Variants in SMIM36 observed in about 807,000 individuals in gnomAD.
SMIM36 encodes small integral membrane protein 36.
intron 4 of SMIM36, among the ~76,000 whole-genome samples, chr17:55,451,566 CTT>C (rs1231759025): frequency 6.6e-6 from 1 of 152,176 alleles, no homozygotes; most frequent in Non-Finnish European, 1.5e-5. Context: ...AGTGTCTTCT[CTT>C]GTCACTAGAT....
intron 4 of SMIM36, among the ~76,000 whole-genome samples, chr17:55,465,387 T>A (rs1909218151): frequency 6.6e-6 from 1 of 152,200 alleles, no homozygotes; most frequent in Admixed American, 6.5e-5. Flanking sequence ...AGGACTATGA[T>A]CATGATGAGC....
intron 3 of SMIM36, among the ~76,000 whole-genome samples, chr17:55,472,761 G>A (rs1051353556): frequency 1.3e-4 from 19 of 151,842 alleles, no homozygotes; most frequent in South Asian, 4.2e-4. Flanking sequence ...CCAGCTACTC[G>A]GGAGGCTGAG....
At chr17:55,492,484 G>A (rs998095734) in intron 1 of SMIM36, among the ~76,000 whole-genome samples, 2 of 151,460 alleles carry the variant, frequency 1.3e-5, no homozygotes, top group South Asian at 4.2e-4. Context: ...GACCTCATAC[G>A]TTCTTTCTCG....
chr17:55,464,440 A>C (rs1909201084), intron 4 of SMIM36, among the ~76,000 whole-genome samples: 1 of 152,168 alleles, frequency 6.6e-6, no homozygotes, highest in Non-Finnish European at 1.5e-5. Flanking sequence ...TAGGATGTTC[A>C]GATCTGGTAG....
chr17:55,516,645 G>T, the SMIM36 span, among the ~76,000 whole-genome samples: 1 of 135,522 alleles, frequency 7.4e-6, no homozygotes, highest in African/African-American at 2.8e-5. Context: ...TGCAAACTCC[G>T]CCTCCCGGTT....
intron 1 of SMIM36, among the ~76,000 whole-genome samples, chr17:55,486,064 CT>C (rs201539123): frequency 0.065 from 8,696 of 133,408 alleles, 803 homozygotes; most frequent in African/African-American, 0.22. Flanking sequence ...GAGACGGAGT[CT>C]TGCTCTGTTG....
chr17:55,500,855 A>AAT lies in SMIM36; in HGVS notation c.*174+10022_*174+10023dup, dbSNP rs1555622419. Reference sequence around the variant, plus strand: ...TATATATTATAATATATTATATTATAATATATTATAATATATTATATTTTA... The same window carrying AAT: ...TATATATTATAATATATTATATTATAATATATATTATAATATATTATATTTTA... On this transcript the variant is annotated intron_variant, in intron 1 of 4. Coordinates refer to ENST00000636752, the Ensembl canonical transcript of SMIM36. Among the ~76,000 whole-genome samples the AAT allele has an allele frequency of 5.9e-4, 11 of 18,562 alleles. 3 individuals are homozygous for AAT. Among genetic ancestry groups the AAT allele is most frequent in the Admixed American group, 1.6e-3 (2 of 1,256 alleles). 12.2% of individuals were successfully genotyped at this position (18,562 alleles called of 152,430 possible). A position where few individuals can be genotyped will look rare whatever the true frequency, so the allele number is the denominator to read the frequency against.
intron 4 of SMIM36, among the ~76,000 whole-genome samples, chr17:55,452,011 G>C (rs917708326): frequency 1.2e-4 from 18 of 146,074 alleles, no homozygotes; most frequent in Admixed American, 1.1e-3. Context: ...GAGGAGGGAG[G>C]ATCACTTGAG....
At chr17:55,511,972 G>A (rs1208423762), upstream of SMIM36, among the ~76,000 whole-genome samples, 1 of 152,170 alleles carries the variant, frequency 6.6e-6, no homozygotes, top group Non-Finnish European at 1.5e-5. Context: ...AAGGGGATAT[G>A]GCAGTGATAA....
At chr17:55,476,724 C>A (rs1909433698) in intron 3 of SMIM36, among the ~76,000 whole-genome samples, 1 of 152,124 alleles carries the variant, frequency 6.6e-6, no homozygotes, top group Admixed American at 6.6e-5. Context: ...TGCCACCACA[C>A]CTGGCTAATT....
chr17:55,486,077 G>A (rs186875917), intron 1 of SMIM36, among the ~76,000 whole-genome samples: 88 of 142,900 alleles, frequency 6.2e-4, no homozygotes, highest in African/African-American at 2.2e-3. Flanking sequence ...GCTCTGTTGC[G>A]CAGGCTGGAG....
intron 4 of SMIM36, among the ~76,000 whole-genome samples, chr17:55,465,885 T>C (rs1195399284): frequency 1.3e-5 from 2 of 152,154 alleles, no homozygotes; most frequent in Non-Finnish European, 2.9e-5. Flanking sequence ...ATAGGTGATT[T>C]AGATCCACTG....
chr17:55,470,174 T>C (rs1041376813), intron 3 of SMIM36, among the ~76,000 whole-genome samples: 4 of 152,134 alleles, frequency 2.6e-5, no homozygotes, highest in African/African-American at 7.2e-5. Flanking sequence ...GAAATCGGAC[T>C]GTCCATCTTG....
At chr17:55,499,880 G>A (rs983166895) in intron 1 of SMIM36, among the ~76,000 whole-genome samples, 23 of 151,928 alleles carry the variant, frequency 1.5e-4, no homozygotes, top group Admixed American at 2.0e-4. Context: ...AAAAAATAAA[G>A]CTATATTTAA....
chr17:55,491,587 T>G (rs2144708955), intron 1 of SMIM36, among the ~76,000 whole-genome samples: 1 of 152,264 alleles, frequency 6.6e-6, no homozygotes, highest in Middle Eastern at 3.4e-3. Flanking sequence ...AACATTTAAT[T>G]AAGTTCTAGC....
chr17:55,496,711 G>A (rs776996025), intron 1 of SMIM36, among the ~76,000 whole-genome samples: 18 of 152,132 alleles, frequency 1.2e-4, no homozygotes, highest in Admixed American at 1.0e-3. Context: ...ATGTTATTTT[G>A]CATTCCCCAA....
intron 1 of SMIM36, among the ~76,000 whole-genome samples, chr17:55,501,422 A>ATT (rs1567871225): frequency 1.1e-4 from 3 of 27,684 alleles, no homozygotes; most frequent in African/African-American, 7.3e-4. Flanking sequence ...TATAAAATAT[A>ATT]ATATATTATT....
chr17:55,481,198 C>T (rs2143276515), intron 1 of SMIM36, among the ~76,000 whole-genome samples: 1 of 152,138 alleles, frequency 6.6e-6, no homozygotes, highest in South Asian at 2.1e-4. Context: ...TACATGTAGG[C>T]AATCCTCTTA....
rs796303001 is a variant in SMIM36, at chr17:55,501,194, C to G, written c.*174+9685G>C. Among the ~76,000 whole-genome samples the G allele has an allele frequency of 1.2e-3, 3 of 2,502 alleles. 1 individual carries two copies. The highest frequency in any genetic ancestry group is 1.7e-3 in the Non-Finnish European group (3 of 1,814). The allele number at this position is 2,502 out of a possible 152,430, so 1.6% of individuals were successfully genotyped here. A position where few individuals can be genotyped will look rare whatever the true frequency, so the allele number is the denominator to read the frequency against. ...TTATATATTATAATATATAATATAT[C>G]TTATATATTATAATATATAATATAT... On this transcript the variant is annotated intron_variant, in intron 1 of 4. Transcript: ENST00000636752.
Sources: allele counts gnomAD v4.1 joint callset (sites outside exome capture counted in the v4.1 genomes callset), GRCh38; gene constraint gnomAD v4.1.1; transcripts MANE v1.5; gene names NCBI Gene and HGNC (gene_info 2026-07-23, HGNC 2026-07-21).